The following MEP1A variants were observed in gnomAD, a reference collection of about 807,000 sequenced individuals.
MEP1A encodes the protein meprin A subunit alpha.
MEP1A carries 68 observed loss-of-function variants against 84.5 expected under a neutral mutation model. The observed-to-expected ratio is 0.80, with a 90% CI of 0.66 to 0.98. MEP1A has a LOEUF of 0.98. Ranked by LOEUF, MEP1A falls within the 50% of genes least tolerant of loss-of-function variation. The pLI is 0.00. For synonymous variants in MEP1A, 337 were observed against 336.8 expected (o/e 1.00, Z -0.01); for missense variants, 887 against 919.9 (o/e 0.96, Z 0.46).
intron 6 of MEP1A, among the ~76,000 whole-genome samples, chr6:46,815,114 T>C (rs1239140952): frequency 6.6e-6 from 1 of 152,110 alleles, no homozygotes; most frequent in African/African-American, 2.4e-5. Flanking sequence ...GGTTAAGTAT[T>C]CAGGTTTCTC....
At chr6:46,820,464 C>T (rs921586788) in intron 7 of MEP1A, among the ~76,000 whole-genome samples, 1 of 152,172 alleles carries the variant, frequency 6.6e-6, no homozygotes, top group Admixed American at 6.6e-5. Flanking sequence ...GATCTCAGCT[C>T]ACTGCAACCT....
intron 9 of MEP1A, among the ~76,000 whole-genome samples, chr6:46,828,357 GT>G (rs1767996150): frequency 6.6e-6 from 1 of 151,618 alleles, no homozygotes; most frequent in Non-Finnish European, 1.5e-5. Flanking sequence ...TAATATTAAA[GT>G]CGTTTGATAT....
At position 46,839,179 on chromosome 6, in the gene MEP1A, A is replaced by G; in HGVS notation, c.*43A>G. On this transcript the variant is annotated 3_prime_UTR_variant, in exon 14 of 14. Transcript: ENST00000230588. ...GCCAGACCACAGCAGCACCTCCTCC[A>G]TGCAGGCCTTAACTTTCCCATGGTC... is the stretch of plus-strand genomic sequence containing the variant. 4 of 1,579,152 alleles carry G rather than the reference A, an allele frequency of 2.5e-6. No individual in the cohort carries two copies. The highest frequency in any genetic ancestry group is 1.1e-5 in the South Asian group (1 of 87,016).
chr6:46,829,670 TCTC>T (rs1768035519), intron 10 of MEP1A, 99 bp downstream of exon 10: 2 of 845,052 alleles, frequency 2.4e-6, no homozygotes, highest in East Asian at 2.4e-5. Flanking sequence ...CCTTCTTCTC[TCTC>T]CTCCTCCTTT....
At position 46,838,131 on chromosome 6, in the gene MEP1A, C is replaced by T. The variant is rs181451767; in HGVS notation, c.2085-849C>T. On this transcript the variant is annotated intron_variant, in intron 13 of 13. Transcript: ENST00000230588. ...CAGGCTGATCTCAAACTCCTGACCT[C>T]AGGTGATCCACCCGGCCTCCCAAAG... Among the ~76,000 whole-genome samples, 111 of 151,608 alleles carry T rather than the reference C, an allele frequency of 7.3e-4. 1 individual carries two copies. In the East Asian group the frequency reaches 0.021, roughly 29 times the overall value.
downstream of MEP1A, among the ~76,000 whole-genome samples, chr6:46,841,029 T>C (rs1768322545): frequency 6.6e-6 from 1 of 152,180 alleles, no homozygotes; most frequent in Non-Finnish European, 1.5e-5. Flanking sequence ...TTTGTTTTAT[T>C]AAAAGGAGCA....
chr6:46,834,902 T>C, intron 12 of MEP1A, 151 bp downstream of exon 12: 1 of 631,012 alleles, frequency 1.6e-6, no homozygotes, highest in African/African-American at 1.8e-5. Context: ...GGTCAAGGAC[T>C]CACATCTTTA....
Position 46,826,440 on chromosome 6 carries a change from TG to T in MEP1A, c.868del (p.Ala290ProfsTer61). ...TCAGGGCACCAGAGATGACACTGACTGGGCCCATCAGGACAGTGCTCAGGCT... is the reference window on the plus strand; with the variant it reads ...TCAGGGCACCAGAGATGACACTGACTGGCCCATCAGGACAGTGCTCAGGCT... ...MIQGTRDDTD[W>X]AHQDSAQAGE... On this transcript the variant is annotated frameshift_variant, in exon 9 of 14. Coordinates refer to ENST00000230588, the MANE Select transcript of MEP1A (RefSeq NM_005588.3). LOFTEE classifies it high-confidence loss of function. The T allele has an allele frequency of 6.2e-7, 1 of 1,609,136 alleles. No individual in the cohort carries two copies. Among genetic ancestry groups the T allele is most frequent in the Non-Finnish European group, 8.5e-7 (1 of 1,177,678 alleles).
At position 46,834,560 on chromosome 6, in the gene MEP1A, T is replaced by C; in HGVS notation, c.1610-18T>C. 5.1e-6 allele frequency: 8 copies of C among 1,562,584 alleles called. No homozygotes were observed. The highest frequency in any genetic ancestry group is 7.0e-6 in the Non-Finnish European group (8 of 1,150,400). On this transcript the variant is annotated intron_variant, in intron 11 of 13. Transcript: ENST00000230588. Reference sequence around the variant, plus strand: ...TCTAAAGAGGTAATGTGATTTTATGTTACCTACAACTTTGCAGCGATAAAT... The same window carrying C: ...TCTAAAGAGGTAATGTGATTTTATGCTACCTACAACTTTGCAGCGATAAAT...
downstream of MEP1A, among the ~76,000 whole-genome samples, chr6:46,840,035 G>GAAA (rs56187349): frequency 8.5e-6 from 1 of 117,088 alleles, no homozygotes; most frequent in Non-Finnish European, 1.8e-5. Context: ...TAGAGCAAGT[G>GAAA]AAAAAAAAAA....
chr6:46,833,034 G>T, intron 10 of MEP1A, 40 bp from the exon 11 acceptor site: 2 of 1,153,148 alleles, frequency 1.7e-6, no homozygotes, highest in South Asian at 3.0e-5. Context: ...CTCATTAAGT[G>T]TTGGTCACAG....
chr6:46,804,978 G>A (rs1451760838), intron 5 of MEP1A, among the ~76,000 whole-genome samples: 1 of 151,792 alleles, frequency 6.6e-6, no homozygotes, highest in Non-Finnish European at 1.5e-5. Context: ...TCAGTAAAAT[G>A]TTCTTGGGAT....
rs1011183001 is a variant in MEP1A at position 46,794,882 on chromosome 6, C to T, written c.145+1166C>T. 5.3e-5 allele frequency among the ~76,000 whole-genome samples: 8 copies of T among 152,134 alleles called. No individual in the cohort carries two copies. In the South Asian group the frequency reaches 1.7e-3, roughly 32 times the overall value. On this transcript the variant is annotated intron_variant, in intron 3 of 13. Transcript: ENST00000230588. The stretch of plus-strand genomic sequence containing the variant: ...TATCTAATAAAAATTAATTATTTAC[C>T]TCTTTGCCATTTTGTACTCTTTAGG...
chr6:46,825,375 C>A lies in MEP1A; in HGVS notation c.660C>A (p.Asn220Lys). ...TGCACTACCAGCCTTTCTCATTTAACAAGAATGCAAGTGTTCCCACCATCA... is the reference window on the plus strand; with the variant it reads ...TGCACTACCAGCCTTTCTCATTTAAAAAGAATGCAAGTGTTCCCACCATCA... ...SLMHYQPFSF[N>K]KNASVPTITA... The change falls in exon 8 of 14, where the codon AAC becomes AAA. Residue 220 changes from asparagine (N) to lysine (K), a missense_variant. Physicochemically the swap from Asn to Lys is moderately conservative, Grantham distance 94 (BLOSUM62 0). Coordinates refer to ENST00000230588, the MANE Select transcript of MEP1A (RefSeq NM_005588.3). The A allele has an allele frequency of 6.2e-7, 1 of 1,613,228 alleles. No individual in the cohort carries two copies. Among genetic ancestry groups the A allele is most frequent in the Non-Finnish European group, 8.5e-7 (1 of 1,179,358 alleles).
chr6:46,811,947 C>G (rs866756590), intron 6 of MEP1A, among the ~76,000 whole-genome samples: 23 of 151,940 alleles, frequency 1.5e-4, no homozygotes, highest in African/African-American at 5.3e-4. Flanking sequence ...TTTGTTATGT[C>G]CTTCCCTGGT....
rs533286995 is a variant in MEP1A, at chr6:46,819,550, C to A, written c.402C>A (p.Asp134Glu). ...QFDGCWSEVG[D>E]QHVGQNISIG... is the part of the protein sequence containing the mutation. ...AAAGGTGCTGGTCTGAGGTTGGTGA[C>A]CAACATGTGGGACAGAACATTTCCA... The change falls in exon 7 of 14, where the codon GAC (aspartate) becomes GAA (glutamate). Residue 134 changes from aspartate (D) to glutamate (E), a missense_variant. Coordinates refer to ENST00000230588, the MANE Select transcript of MEP1A (RefSeq NM_005588.3). 1.1e-5 allele frequency: 18 copies of A among 1,611,716 alleles called. No individual in the cohort carries two copies. In the South Asian group the frequency reaches 1.9e-4, roughly 17 times the overall value.
intron 6 of MEP1A, among the ~76,000 whole-genome samples, chr6:46,816,890 G>A (rs1256101979): frequency 1.3e-5 from 2 of 152,192 alleles, no homozygotes; most frequent in African/African-American, 2.4e-5. Context: ...CCAGGAAGGT[G>A]AGCAGGAGCC....
At chr6:46,842,980 G>A (rs1206453070), downstream of MEP1A, among the ~76,000 whole-genome samples, 1 of 152,126 alleles carries the variant, frequency 6.6e-6, no homozygotes, top group East Asian at 1.9e-4. Flanking sequence ...GTAGGTGTAG[G>A]GAAGTCTCTG....
chr6:46,814,238 CAT>C (rs1767576316), intron 6 of MEP1A, among the ~76,000 whole-genome samples: 2 of 152,156 alleles, frequency 1.3e-5, no homozygotes, highest in East Asian at 3.9e-4. Flanking sequence ...AAGCTTTGTT[CAT>C]TTAAAAAATT....
Sources: gnomAD v4.1 joint callset for allele counts (sites outside exome capture counted in the v4.1 genomes callset) on GRCh38, gnomAD v4.1.1 for gene constraint, MANE v1.5 for transcripts, NCBI Gene and HGNC (gene_info 2026-07-23, HGNC 2026-07-21) for gene names.